RBFOX1: variants seen among roughly 807,000 people sequenced by gnomAD.
RBFOX1 encodes RNA binding fox-1 homolog 1.
In RBFOX1, 8 loss-of-function variants were observed where a neutral mutation model predicts 57.7. The ratio of observed to expected loss-of-function variants is 0.14; its 90% CI spans 0.08 to 0.25. RBFOX1 has a LOEUF of 0.25. Among genes scored for constraint, RBFOX1 ranks in the 10% least tolerant of loss-of-function variants. The probability of loss-of-function intolerance (pLI) is 1.00; values close to 1 mark genes in which losing one functional copy is unlikely to be tolerated. For missense variants in RBFOX1, 611 were observed against 548.5 expected (o/e 1.11, Z -1.14); for synonymous variants, 326 against 222.4 (o/e 1.47, Z -4.15).
At chr16:5,419,765 G>C (rs998035601) in intron 1 of RBFOX1, among the ~76,000 whole-genome samples, 1 of 151,996 alleles carries the variant, frequency 6.6e-6, no homozygotes, top group Non-Finnish European at 1.5e-5. Context: ...CTGGCTGCCA[G>C]CAGAAGGAGA....
chr16:6,775,214 T>C (rs2079108709), intron 3 of RBFOX1, among the ~76,000 whole-genome samples: 2 of 148,922 alleles, frequency 1.3e-5, no homozygotes, highest in Admixed American at 1.4e-4. Context: ...CGGACGCCTG[T>C]AGTCCCAGCT....
intron 3 of RBFOX1, among the ~76,000 whole-genome samples, chr16:5,661,299 A>G (rs2049639802): frequency 6.6e-6 from 1 of 152,208 alleles, no homozygotes. Context: ...AGTGACAGTG[A>G]ACATTTTGTC....
chr16:5,767,433 G>A (rs1311636093), intron 3 of RBFOX1, among the ~76,000 whole-genome samples: 2 of 152,204 alleles, frequency 1.3e-5, no homozygotes, highest in East Asian at 3.9e-4. Context: ...TGCCCATTCA[G>A]CTGGGGAGAG....
At chr16:5,419,077 C>T (rs1299776355) in intron 1 of RBFOX1, among the ~76,000 whole-genome samples, 1 of 152,204 alleles carries the variant, frequency 6.6e-6, no homozygotes, top group Admixed American at 6.5e-5. Flanking sequence ...ACCAGCTTAC[C>T]TGAGCCCAGT....
At chr16:6,216,127 T>C (rs1427531528) in intron 1 of RBFOX1, among the ~76,000 whole-genome samples, 1 of 152,090 alleles carries the variant, frequency 6.6e-6, no homozygotes, top group Admixed American at 6.5e-5. Flanking sequence ...CGGGGCCTTT[T>C]GGAGGGTGGG....
intron 5 of RBFOX1, among the ~76,000 whole-genome samples, chr16:7,546,304 G>A (rs1332824481): frequency 1.3e-5 from 2 of 150,676 alleles, no homozygotes; most frequent in Non-Finnish European, 2.9e-5. Context: ...TCTAGCCTGG[G>A]CAAAAGGGTA....
chr16:6,490,824 A>G (rs1057040615), intron 2 of RBFOX1, among the ~76,000 whole-genome samples: 2 of 152,358 alleles, frequency 1.3e-5, no homozygotes, highest in Non-Finnish European at 2.9e-5. Flanking sequence ...TCACGTTTGA[A>G]CAAAGAGAGC....
At chr16:6,864,989 CTT>C (rs1555544471) in intron 3 of RBFOX1, among the ~76,000 whole-genome samples, 1 of 105,802 alleles carries the variant, frequency 9.5e-6, no homozygotes, top group Non-Finnish European at 1.8e-5. Context: ...GTGGGTTTTT[CTT>C]TTTCTTTTTT....
At chr16:7,343,344 A>G (rs892322455) in intron 4 of RBFOX1, among the ~76,000 whole-genome samples, 1 of 152,132 alleles carries the variant, frequency 6.6e-6, no homozygotes, top group Non-Finnish European at 1.5e-5. Context: ...TGTCCAGGCA[A>G]GGGAGGAGCA....
chr16:6,739,578 C>T (rs4786116), intron 3 of RBFOX1, among the ~76,000 whole-genome samples: 142,733 of 151,620 alleles, frequency 0.94, 67,725 homozygotes, highest in East Asian at 1. Context: ...AAAATATCTT[C>T]TAGAAAATAG....
At chr16:6,884,897 C>T (rs1440490925) in intron 3 of RBFOX1, among the ~76,000 whole-genome samples, 1 of 152,110 alleles carries the variant, frequency 6.6e-6, no homozygotes, top group Non-Finnish European at 1.5e-5. Context: ...GGCTCTCTTT[C>T]AAACAAACAA....
At chr16:6,738,197 A>T (rs892000281) in intron 3 of RBFOX1, among the ~76,000 whole-genome samples, 1 of 152,154 alleles carries the variant, frequency 6.6e-6, no homozygotes, top group African/African-American at 2.4e-5. Flanking sequence ...AATGGTTTGC[A>T]TAACACTGTA....
chr16:5,926,342 AAC>A lies in RBFOX1; in HGVS notation c.351+59009_351+59010del, dbSNP rs1450749070. Among the ~76,000 whole-genome samples, 4 of 152,302 alleles carry A rather than the reference AAC, an allele frequency of 2.6e-5. No homozygotes were observed. The East Asian group carries it at 7.7e-4, about 29-fold the overall frequency. Reference sequence around the variant, plus strand: ...TATATTGGAGAAGGGTTGGGGCTGGAACAGGGATACTGGCTGTTCTTAATCAG... The same window carrying A: ...TATATTGGAGAAGGGTTGGGGCTGGAAGGGATACTGGCTGTTCTTAATCAG... On this transcript the variant is annotated intron_variant, in intron 4 of 19. Coordinates refer to the RBFOX1 transcript ENST00000641259.
chr16:6,276,734 C>G (rs1212773184), intron 1 of RBFOX1, among the ~76,000 whole-genome samples: 1 of 152,136 alleles, frequency 6.6e-6, no homozygotes, highest in Non-Finnish European at 1.5e-5. Flanking sequence ...AGAAGTTCTC[C>G]TCTCTGCTGC....
intron 3 of RBFOX1, among the ~76,000 whole-genome samples, chr16:5,788,325 C>T (rs769301719): frequency 7.9e-5 from 12 of 152,120 alleles, no homozygotes; most frequent in Non-Finnish European, 1.6e-4. Context: ...GCAACAAAAG[C>T]GTCTTTTGAA....
At chr16:6,533,580 A>G (rs1333111665) in intron 2 of RBFOX1, among the ~76,000 whole-genome samples, 3 of 151,854 alleles carry the variant, frequency 2.0e-5, no homozygotes. Context: ...TACAGAGTCA[A>G]GTGATTTTTT....
chr16:6,477,416 T>A (rs1420660012), intron 2 of RBFOX1, among the ~76,000 whole-genome samples: 1 of 152,222 alleles, frequency 6.6e-6, no homozygotes, highest in African/African-American at 2.4e-5. Context: ...TATGTCCTTG[T>A]GCTTCTCCAT....
intron 14 of RBFOX1, among the ~76,000 whole-genome samples, chr16:7,687,862 A>G (rs2076400720): frequency 6.6e-6 from 1 of 152,046 alleles, no homozygotes; most frequent in Admixed American, 6.6e-5. Flanking sequence ...TCATACAGTG[A>G]GATGAGTTCT....
intron 3 of RBFOX1, among the ~76,000 whole-genome samples, chr16:5,854,958 C>A (rs11640580): frequency 0.29 from 44,168 of 152,080 alleles, 6,537 homozygotes; most frequent in Non-Finnish European, 0.32. Context: ...TTTTGATTTG[C>A]ATTGCCCCAA....
Sources: gnomAD v4.1 joint callset for allele counts (sites outside exome capture counted in the v4.1 genomes callset) on GRCh38, gnomAD v4.1.1 for gene constraint, MANE v1.5 for transcripts, NCBI Gene and HGNC (gene_info 2026-07-23, HGNC 2026-07-21) for gene names.